Variants in SLC39A11 observed in about 807,000 individuals in gnomAD.
SLC39A11 encodes the protein solute carrier family 39 member 11, also known as zinc transporter ZIP11.
SLC39A11 carries 33 observed loss-of-function variants against 36.1 expected under a neutral mutation model. The observed-to-expected ratio is 0.91, with a 90% CI of 0.69 to 1.22. The LOEUF (loss-of-function observed/expected upper bound fraction) is 1.22, where lower values mean the gene tolerates loss of function less well. SLC39A11 is among the 50% of genes most tolerant of loss of function. The probability of loss-of-function intolerance (pLI) is 0.00; values close to 1 mark genes in which losing one functional copy is unlikely to be tolerated. For missense variants in SLC39A11, 432 were observed against 430.3 expected, an observed-to-expected ratio of 1.00 and a Z score of -0.03; for synonymous variants, 166 against 170.3, an observed-to-expected ratio of 0.97 and a Z score of 0.20.
rs780329919 is a variant in SLC39A11 at position 72,665,389 on chromosome 17, G to GTTTTTTTTTTTTTTTTTTTTTTTT, written c.672-16122_672-16121insAAAAAAAAAAAAAAAAAAAAAAAA. Among the ~76,000 whole-genome samples, 20 of 76,610 alleles carry GTTTTTTTTTTTTTTTTTTTTTTTT rather than the reference G, an allele frequency of 2.6e-4. 5 individuals are homozygous for GTTTTTTTTTTTTTTTTTTTTTTTT. The highest frequency in any genetic ancestry group is 7.3e-4 in the East Asian group (2 of 2,738). The allele number at this position is 76,610 out of a possible 152,430, so 50.3% of individuals were successfully genotyped here. On this transcript the variant is annotated intron_variant, in intron 7 of 9. Coordinates refer to ENST00000255559, the MANE Select transcript of SLC39A11 (RefSeq NM_139177.4). ...GGTTTAAGCCACCAAGTTTTGAGGT[G>GTTTTTTTTTTTTTTTTTTTTTTTT]TTTTTTTTTTTTTTTTTTTTTGAGA...
intron 7 of SLC39A11, among the ~76,000 whole-genome samples, chr17:72,697,735 A>AC (rs1449356201): frequency 6.1e-5 from 9 of 147,568 alleles, no homozygotes; most frequent in African/African-American, 2.2e-4. Context: ...TCAGAGCAGA[A>AC]CCCCCCACCC....
chr17:72,830,953 C>T (rs1261368905), intron 6 of SLC39A11, among the ~76,000 whole-genome samples: 1 of 152,016 alleles, frequency 6.6e-6, no homozygotes, highest in East Asian at 1.9e-4. Flanking sequence ...GGAGGCTGAC[C>T]CTTGAGAACA....
At chr17:72,945,051 G>GGATGGATGGATGGATA (rs2085346493) in intron 5 of SLC39A11, among the ~76,000 whole-genome samples, 1 of 151,696 alleles carries the variant, frequency 6.6e-6, no homozygotes, top group Non-Finnish European at 1.5e-5. Context: ...GGAGATGGAT[G>GGATGGATGGATGGATA]GATGGATGGA....
intron 4 of SLC39A11, among the ~76,000 whole-genome samples, chr17:73,015,157 T>C (rs1174426068): frequency 8.5e-5 from 13 of 152,190 alleles, no homozygotes; most frequent in Non-Finnish European, 1.5e-4. Flanking sequence ...GGTATTGCCC[T>C]GTACTGTTTT....
chr17:72,947,746 C>T lies in SLC39A11; in HGVS notation c.430+6G>A. Reference sequence around the variant, plus strand: ...AAGAGCTTGCCTGAAAGAAGCCCAGCTCTACCTATCCGGATGGAAAGTTCA... The same window carrying T: ...AAGAGCTTGCCTGAAAGAAGCCCAGTTCTACCTATCCGGATGGAAAGTTCA... On this transcript the variant is annotated splice_donor_region_variant and intron_variant, in intron 5 of 9. Transcript: ENST00000255559. 6.2e-7 allele frequency: 1 copy of T among 1,613,872 alleles called. No homozygotes were observed. Among genetic ancestry groups the T allele is most frequent in the African/African-American group, 1.3e-5 (1 of 75,044 alleles).
intron 7 of SLC39A11, among the ~76,000 whole-genome samples, chr17:72,711,794 G>C (rs2073113939): frequency 6.6e-6 from 1 of 152,158 alleles, no homozygotes; most frequent in Non-Finnish European, 1.5e-5. Context: ...ATAGCTCTGG[G>C]GGGAATTTTT....
At chr17:73,082,114 A>AC (rs2060557592) in intron 3 of SLC39A11, among the ~76,000 whole-genome samples, 1 of 123,330 alleles carries the variant, frequency 8.1e-6, no homozygotes. Context: ...ACCTACTGAA[A>AC]CTAAAAAAAA....
At position 72,894,499 on chromosome 17, in the gene SLC39A11, TAA is replaced by T. The variant is rs35812666; in HGVS notation, c.431-44697_431-44696del. Reference sequence around the variant, plus strand: ...TAACATGGTGAAACCTCATCCCTACTAAAAAAAAAAAAAAAAAAAAATTAGCC... The same window carrying T: ...TAACATGGTGAAACCTCATCCCTACTAAAAAAAAAAAAAAAAAAATTAGCC... On this transcript the variant is annotated intron_variant, in intron 5 of 9. Transcript: ENST00000255559. 8.7e-3 allele frequency among the ~76,000 whole-genome samples: 961 copies of T among 110,498 alleles called. 10 individuals are homozygous for T. Among genetic ancestry groups the T allele is most frequent in the African/African-American group, 0.029 (853 of 29,346 alleles). 72.5% of individuals were successfully genotyped at this position (110,498 alleles called of 152,430 possible). A position where few individuals can be genotyped will look rare whatever the true frequency, so the allele number is the denominator to read the frequency against.
At chr17:72,969,478 G>C (rs1471423387) in intron 4 of SLC39A11, among the ~76,000 whole-genome samples, 1 of 152,096 alleles carries the variant, frequency 6.6e-6, no homozygotes, top group Non-Finnish European at 1.5e-5. Context: ...AACCACTTCT[G>C]TGTCATGCCT....
chr17:72,683,692 AG>A (rs2071612440), intron 7 of SLC39A11, among the ~76,000 whole-genome samples: 1 of 151,940 alleles, frequency 6.6e-6, no homozygotes, highest in Non-Finnish European at 1.5e-5. Context: ...GTGCCATAAA[AG>A]CTCCAACCAA....
At chr17:72,908,324 G>A (rs1020380732) in intron 5 of SLC39A11, among the ~76,000 whole-genome samples, 6 of 152,320 alleles carry the variant, frequency 3.9e-5, no homozygotes, top group Non-Finnish European at 8.8e-5. Context: ...TTGGTGGCAG[G>A]GAGCAATCCT....
chr17:72,692,223 G>A (rs2072063696), intron 7 of SLC39A11, among the ~76,000 whole-genome samples: 2 of 151,176 alleles, frequency 1.3e-5, no homozygotes, highest in African/African-American at 4.9e-5. Context: ...ACATTAGCCA[G>A]GATGGTCTCG....
chr17:72,782,061 T>C (rs111414739), intron 6 of SLC39A11, among the ~76,000 whole-genome samples: 5 of 152,216 alleles, frequency 3.3e-5, no homozygotes, highest in African/African-American at 9.6e-5. Context: ...CTGGCAGATA[T>C]AATTAAGGTA....
intron 6 of SLC39A11, among the ~76,000 whole-genome samples, chr17:72,766,590 C>G (rs568952208): frequency 2.6e-4 from 39 of 152,184 alleles, no homozygotes; most frequent in Non-Finnish European, 3.5e-4. Flanking sequence ...GGCTCTTTCT[C>G]TCTCCTTTCT....
intron 6 of SLC39A11, among the ~76,000 whole-genome samples, chr17:72,815,246 C>T (rs1043309757): frequency 6.6e-6 from 1 of 152,180 alleles, no homozygotes; most frequent in African/African-American, 2.4e-5. Flanking sequence ...GGAGAGCCAA[C>T]AGAACAGGTT....
chr17:72,720,230 GCA>G (rs914730810), intron 7 of SLC39A11, among the ~76,000 whole-genome samples: 30 of 152,212 alleles, frequency 2.0e-4, no homozygotes, highest in African/African-American at 7.0e-4. Context: ...TCATGAGCAT[GCA>G]CAGTCCATGC....
In SLC39A11 at chr17:72,959,323, G is replaced by GTATATATATATA. The variant is rs766454318; in HGVS notation, c.307-11449_307-11448insTATATATATATA. On this transcript the variant is annotated intron_variant, in intron 4 of 9. Transcript: ENST00000255559. ...AACTGGTGTATGTATGTGTGTGTGT[G>GTATATATATATA]TGTATATATATATATATATATATAT... Among the ~76,000 whole-genome samples, 237 of 81,326 alleles carry GTATATATATATA rather than the reference G, an allele frequency of 2.9e-3. 2 individuals are homozygous for GTATATATATATA. The highest frequency in any genetic ancestry group is 4.3e-3 in the Non-Finnish European group (175 of 40,988). 53.4% of individuals were successfully genotyped at this position (81,326 alleles called of 152,430 possible). A position where few individuals can be genotyped will look rare whatever the true frequency, so the allele number is the denominator to read the frequency against.
At chr17:73,034,608 G>A (rs1598946662) in intron 3 of SLC39A11, among the ~76,000 whole-genome samples, 1 of 152,066 alleles carries the variant, frequency 6.6e-6, no homozygotes, top group African/African-American at 2.4e-5. Context: ...AAACCACATG[G>A]CCCAAGTAAG....
intron 6 of SLC39A11, among the ~76,000 whole-genome samples, chr17:72,781,683 T>C (rs1000230917): frequency 1.3e-5 from 2 of 152,210 alleles, no homozygotes; most frequent in Non-Finnish European, 2.9e-5. Context: ...TTTCCCAAAG[T>C]GTTGGGATTA....
Sources: allele counts gnomAD v4.1 joint callset (sites outside exome capture counted in the v4.1 genomes callset), GRCh38; gene constraint gnomAD v4.1.1; transcripts MANE v1.5; gene names NCBI Gene and HGNC (gene_info 2026-07-23, HGNC 2026-07-21).